The following SFMBT2 variants were observed in gnomAD, a reference collection of about 807,000 sequenced individuals.
The protein encoded by SFMBT2 is scm-like with four MBT domains protein 2.
SFMBT2 carries 38 observed loss-of-function variants against 110.1 expected under a neutral mutation model. The ratio of observed to expected loss-of-function variants is 0.35; its 90% CI spans 0.27 to 0.45. The LOEUF is 0.45. Among genes scored for constraint, SFMBT2 ranks in the 20% least tolerant of loss-of-function variants. The pLI, the probability that SFMBT2 is intolerant of heterozygous loss-of-function variation, is 1.00. For missense variants in SFMBT2, 1,011 were observed against 1,094.9 expected (o/e 0.92, Z 1.08); for synonymous variants, 425 against 425.4 (o/e 1.00, Z 0.01).
intron 2 of SFMBT2, 76 bp from the exon 3 acceptor site, chr10:7,370,451 G>C (rs887847099): frequency 8.1e-7 from 1 of 1,228,990 alleles, no homozygotes; most frequent in Non-Finnish European, 1.2e-6. Context: ...ACTGAGACCA[G>C]AAAATCCTTC....
intron 16 of SFMBT2, among the ~76,000 whole-genome samples, chr10:7,182,141 G>A (rs951432038): frequency 3.3e-5 from 5 of 152,120 alleles, no homozygotes; most frequent in Admixed American, 2.0e-4. Context: ...AGGTTCAAGC[G>A]ATTCTCCTGC....
intron 9 of SFMBT2, among the ~76,000 whole-genome samples, chr10:7,242,636 T>C (rs1261513303): frequency 6.6e-6 from 1 of 152,038 alleles, no homozygotes; most frequent in Non-Finnish European, 1.5e-5. Context: ...AGGACAAATA[T>C]GGGGAAAAAT....
intron 20 of SFMBT2, among the ~76,000 whole-genome samples, chr10:7,168,378 A>C (rs1360613744): frequency 6.6e-6 from 1 of 152,210 alleles, no homozygotes; most frequent in Non-Finnish European, 1.5e-5. Context: ...TTCAGGCCTA[A>C]CTAAATTTTT....
At chr10:7,374,046 T>C (rs1036080490) in intron 2 of SFMBT2, among the ~76,000 whole-genome samples, 1 of 152,098 alleles carries the variant, frequency 6.6e-6, no homozygotes. Context: ...GTGGATCACT[T>C]GAGGTCAAGA....
chr10:7,331,877 G>C (rs1343200460), intron 4 of SFMBT2, among the ~76,000 whole-genome samples: 1 of 152,032 alleles, frequency 6.6e-6, no homozygotes, highest in Non-Finnish European at 1.5e-5. Flanking sequence ...GGGCGTGGTG[G>C]TGCGCCCCTG....
At chr10:7,361,364 T>C (rs1047012497) in intron 4 of SFMBT2, among the ~76,000 whole-genome samples, 9 of 152,230 alleles carry the variant, frequency 5.9e-5, no homozygotes, top group Admixed American at 1.3e-4. Context: ...AGTCCACAGT[T>C]GAGCCATGTC....
rs991687816 is a variant in SFMBT2, at chr10:7,408,419, G to A, written c.-52+2442C>T. On this transcript the variant is annotated intron_variant, in intron 1 of 20. Coordinates refer to ENST00000397167, the MANE Select transcript of SFMBT2 (RefSeq NM_001387889.1). The surrounding 1 kb of genome is among the most constrained non-coding windows in gnomAD (Gnocchi z 5.7). ...GAGTGACCCTGTCTAGCCTCGTTCTGCGCTCCTGCAAACCACGTTGCTGCG... is the reference window on the plus strand; with the variant it reads ...GAGTGACCCTGTCTAGCCTCGTTCTACGCTCCTGCAAACCACGTTGCTGCG... 8.5e-5 allele frequency among the ~76,000 whole-genome samples: 13 copies of A among 152,354 alleles called. No individual in the cohort carries two copies. The highest frequency in any genetic ancestry group is 2.9e-4 in the African/African-American group (12 of 41,586).
intron 11 of SFMBT2, among the ~76,000 whole-genome samples, chr10:7,211,405 G>A (rs1839342953): frequency 6.6e-6 from 1 of 152,128 alleles, no homozygotes; most frequent in African/African-American, 2.4e-5. Context: ...TGGAAAACCT[G>A]AACTTTGCTA....
chr10:7,350,206 A>C (rs1254698107), intron 4 of SFMBT2, among the ~76,000 whole-genome samples: 2 of 148,014 alleles, frequency 1.4e-5, no homozygotes, highest in Non-Finnish European at 1.5e-5. Flanking sequence ...TTTTTTTTCC[A>C]TGGGGTCCAT....
intron 1 of SFMBT2, among the ~76,000 whole-genome samples, chr10:7,406,832 C>T (rs1415555751): frequency 2.0e-5 from 3 of 152,208 alleles, no homozygotes; most frequent in Admixed American, 1.3e-4. Context: ...TCCACCGGCA[C>T]TTCTACAGCA....
rs372649567 is a variant in SFMBT2, at chr10:7,240,080, GATAGA to G, written c.1120+3473_1120+3477del. ...TTTTAATAGGTAACACATTTATTTA[GATAGA>G]AAAGAAAAAAAGATAAAAATGGTAT... is the stretch of plus-strand genomic sequence containing the variant. On this transcript the variant is annotated intron_variant, in intron 9 of 20. Transcript: ENST00000397167. Among the ~76,000 whole-genome samples the G allele has an allele frequency of 6.3e-3, 954 of 151,960 alleles. 8 individuals are homozygous for G. The highest frequency in any genetic ancestry group is 0.021 in the African/African-American group (883 of 41,392).
chr10:7,165,268 A>G (rs1837667723), intron 20 of SFMBT2, among the ~76,000 whole-genome samples: 1 of 152,238 alleles, frequency 6.6e-6, no homozygotes. Context: ...GGACATTAAT[A>G]GCCAAGCAAA....
chr10:7,326,813 C>A (rs1264396533), intron 4 of SFMBT2, among the ~76,000 whole-genome samples: 1 of 152,112 alleles, frequency 6.6e-6, no homozygotes, highest in Non-Finnish European at 1.5e-5. Flanking sequence ...TCAAGTCAAG[C>A]CTTTGTTTCC....
intron 4 of SFMBT2, among the ~76,000 whole-genome samples, chr10:7,288,480 T>C (rs1432532028): frequency 6.6e-6 from 1 of 152,064 alleles, no homozygotes; most frequent in Non-Finnish European, 1.5e-5. Flanking sequence ...AGGCTGAGCA[T>C]AAAACTGTGT....
rs2762578 is a variant in SFMBT2, at chr10:7,232,063, C to G, written c.1121-4126G>C. Reference sequence around the variant, plus strand: ...AAGAAAATGAAAGGAAATAAAACCCCTTAGGCAATTAAACTTTGCAGCAAG... The same window carrying G: ...AAGAAAATGAAAGGAAATAAAACCCGTTAGGCAATTAAACTTTGCAGCAAG... On this transcript the variant is annotated intron_variant, in intron 9 of 20. Coordinates refer to ENST00000397167, the MANE Select transcript of SFMBT2 (RefSeq NM_001387889.1). Among the ~76,000 whole-genome samples the G allele has an allele frequency of 8.7e-3, 1,319 of 152,242 alleles. 24 individuals are homozygous for G. Among genetic ancestry groups the G allele is most frequent in the African/African-American group, 0.028 (1,179 of 41,548 alleles).
chr10:7,300,365 T>C (rs1842524452), intron 4 of SFMBT2, among the ~76,000 whole-genome samples: 1 of 151,444 alleles, frequency 6.6e-6, no homozygotes. Flanking sequence ...GAGTAACAAA[T>C]ATCCTAGGGA....
intron 15 of SFMBT2, among the ~76,000 whole-genome samples, chr10:7,195,740 T>C (rs1223426186): frequency 1.3e-5 from 2 of 152,180 alleles, no homozygotes; most frequent in East Asian, 1.9e-4. Flanking sequence ...CCCCACAGAT[T>C]GCAGATGCCT....
intron 4 of SFMBT2, among the ~76,000 whole-genome samples, chr10:7,357,133 C>T (rs10905154): frequency 0.52 from 79,305 of 151,998 alleles, 21,320 homozygotes; most frequent in East Asian, 0.75. Flanking sequence ...CAAGTGTACA[C>T]AAAATGTTCT....
At chr10:7,164,445 A>T (rs771272275) in intron 20 of SFMBT2, 6 of 985,020 alleles carry the variant, frequency 6.1e-6, no homozygotes, top group African/African-American at 1.7e-5. Flanking sequence ...CACTCTGGCT[A>T]CTCTGAAACT....
Sources: gnomAD v4.1 joint callset for allele counts (sites outside exome capture counted in the v4.1 genomes callset) on GRCh38, gnomAD v4.1.1 for gene constraint, Gnocchi (gnomAD v3.1) non-coding constraint, MANE v1.5 for transcripts, NCBI Gene and HGNC (gene_info 2026-07-23, HGNC 2026-07-21) for gene names.